The following TYW5 variants were observed in gnomAD, a reference collection of about 807,000 sequenced individuals.
TYW5 encodes tRNA wybutosine-synthesizing protein 5.
Under a neutral mutation model 44.4 loss-of-function variants are expected in TYW5, and 36 were observed. The ratio of observed to expected loss-of-function variants is 0.81; its 90% CI spans 0.62 to 1.07. The LOEUF is 1.07. Ranked by LOEUF, TYW5 falls within the 50% of genes least tolerant of loss-of-function variation. The pLI is 0.00. For missense variants in TYW5, 354 were observed against 365.7 expected, an observed-to-expected ratio of 0.97 and a Z score of 0.26; for synonymous variants, 121 against 128.1, an observed-to-expected ratio of 0.94 and a Z score of 0.37.
chr2:199,929,939 T>C lies in TYW5; in HGVS notation c.*3128A>G, dbSNP rs1286156131. 1 of 152,326 alleles carries C rather than the reference T, an allele frequency of 6.6e-6. No individual in the cohort carries two copies. The highest frequency in any genetic ancestry group is 1.5e-5 in the Non-Finnish European group (1 of 68,846). 9.4% of individuals were successfully genotyped at this position (152,326 alleles called of 1,614,324 possible). ...TCCCAAGATGCTGGGACTACAGGTG[T>C]GGACCACCACTCCCCAGCTCTGCAT... On this transcript the variant is annotated 3_prime_UTR_variant, in exon 8 of 8. Coordinates refer to ENST00000354611, the MANE Select transcript of TYW5 (RefSeq NM_001039693.3).
chr2:199,938,733 G>C (rs2077440988), intron 5 of TYW5, among the ~76,000 whole-genome samples, 200 bp downstream of exon 5: 1 of 152,204 alleles, frequency 6.6e-6, no homozygotes, highest in East Asian at 1.9e-4. Flanking sequence ...ATACAAATGT[G>C]AGGAACCAAC....
intron 7 of TYW5, among the ~76,000 whole-genome samples, 183 bp from the exon 8 acceptor site, chr2:199,933,506 A>C (rs1362899525): frequency 6.6e-6 from 1 of 152,238 alleles, no homozygotes; most frequent in Non-Finnish European, 1.5e-5. Flanking sequence ...AATTGCCAAC[A>C]AATTTAAAGT....
chr2:199,953,132 G>A (rs543522374), intron 1 of TYW5, among the ~76,000 whole-genome samples: 83 of 152,246 alleles, frequency 5.5e-4, no homozygotes, highest in Non-Finnish European at 9.3e-4. Context: ...GACCAGCCTG[G>A]CCAACATGGC....
At position 199,933,170 on chromosome 2, in the gene TYW5, G is replaced by A. The variant is rs747502194; in HGVS notation, c.845C>T (p.Ala282Val). The A allele has an allele frequency of 1.5e-5, 24 of 1,614,050 alleles. No homozygotes were observed. The highest frequency in any genetic ancestry group is 1.9e-5 in the Non-Finnish European group (23 of 1,180,010). Reference protein sequence around the residue: ...ASRAAQILDRALKTLAELPEE... With the variant: ...ASRAAQILDRVLKTLAELPEE... ...TGGTAACTCGGCCAGTGTTTTCAAG[G>A]CTCTGTCCAGAATTTGTGCAGCTCT... The change falls in exon 8 of 8, where the codon GCC becomes GTC. Residue 282 changes from alanine (A) to valine (V), a missense_variant. Coordinates refer to ENST00000354611, the MANE Select transcript of TYW5 (RefSeq NM_001039693.3).
At chr2:199,950,080 T>G (rs915489873) in intron 1 of TYW5, among the ~76,000 whole-genome samples, 12 of 152,144 alleles carry the variant, frequency 7.9e-5, no homozygotes, top group Non-Finnish European at 1.6e-4. Context: ...TTCTTCTCAG[T>G]GGACACAGTT....
At chr2:199,954,961 TAA>T (rs1407408805) in intron 1 of TYW5, among the ~76,000 whole-genome samples, 2 of 152,202 alleles carry the variant, frequency 1.3e-5, no homozygotes, top group South Asian at 2.1e-4. Context: ...ACTACAGGTA[TAA>T]AAGACTCCAA....
Position 199,929,387 on chromosome 2 carries a change from A to G in TYW5, c.*3680T>C, listed in dbSNP as rs1371298564. Among the ~76,000 whole-genome samples, 1 of 151,992 alleles carries G rather than the reference A, an allele frequency of 6.6e-6. No individual in the cohort carries two copies. The highest frequency in any genetic ancestry group is 1.5e-5 in the Non-Finnish European group (1 of 68,004). ...TTAGGTATATTTAAGACACCCAAAAACTTGTGGCTTGTATGCTTGAAACAA... is the reference window on the plus strand; with the variant it reads ...TTAGGTATATTTAAGACACCCAAAAGCTTGTGGCTTGTATGCTTGAAACAA... On this transcript the variant is annotated 3_prime_UTR_variant, in exon 8 of 8. Coordinates refer to ENST00000354611, the MANE Select transcript of TYW5 (RefSeq NM_001039693.3).
chr2:199,954,879 A>C (rs994536331), intron 1 of TYW5, among the ~76,000 whole-genome samples: 10 of 152,208 alleles, frequency 6.6e-5, no homozygotes, highest in Non-Finnish European at 1.3e-4. Flanking sequence ...CTTGAAAAGC[A>C]CTGCAAGTAA....
At chr2:199,941,229 A>C (rs2105699753) in intron 3 of TYW5, among the ~76,000 whole-genome samples, 1 of 152,170 alleles carries the variant, frequency 6.6e-6, no homozygotes, top group East Asian at 1.9e-4. Context: ...TTTGTAGAGA[A>C]GGAGACTCGC....
intron 1 of TYW5, among the ~76,000 whole-genome samples, chr2:199,954,182 C>A (rs1015085098): frequency 7.2e-5 from 11 of 152,198 alleles, no homozygotes; most frequent in African/African-American, 2.2e-4. Context: ...ATCACTGCAG[C>A]CTCGACCTCC....
intron 2 of TYW5, chr2:199,947,587 T>C (rs559720005): frequency 4.6e-5 from 7 of 152,200 alleles, no homozygotes; most frequent in Non-Finnish European, 8.8e-5. Context: ...AAACATAGCT[T>C]GTCCTGGTTT....
chr2:199,937,492 A>G (rs2077429506), intron 5 of TYW5, among the ~76,000 whole-genome samples: 1 of 151,708 alleles, frequency 6.6e-6, no homozygotes, highest in Non-Finnish European at 1.5e-5. Flanking sequence ...GCAAAACCCC[A>G]TGTATACTAA....
rs989345350 is a variant in TYW5, at chr2:199,929,337, T to TA, written c.*3729dup. ...TGTACCCTAGAACTTAAAAGTATAA[T>TA]AAAAAAATAAATAGAGACTACAACT... On this transcript the variant is annotated 3_prime_UTR_variant, in exon 8 of 8. Coordinates refer to ENST00000354611, the MANE Select transcript of TYW5 (RefSeq NM_001039693.3). Among the ~76,000 whole-genome samples the TA allele has an allele frequency of 6.6e-6, 1 of 151,832 alleles. No individual in the cohort carries two copies. Among genetic ancestry groups the TA allele is most frequent in the African/African-American group, 2.4e-5 (1 of 41,364 alleles).
intron 2 of TYW5, chr2:199,946,680 T>C (rs2077506507): frequency 6.6e-6 from 1 of 152,148 alleles, no homozygotes. Context: ...ATAATATACA[T>C]GTGTGTGCAG....
intron 2 of TYW5, 97 bp downstream of exon 2, chr2:199,948,221 T>G: frequency 1.4e-5 from 18 of 1,268,852 alleles, no homozygotes; most frequent in Non-Finnish European, 1.7e-5. Flanking sequence ...AGCCAAAAGA[T>G]GAAATGCCAT....
At chr2:199,939,192 ATC>A (rs751643465) in intron 4 of TYW5, 122 bp from the exon 5 acceptor site, 237 of 820,564 alleles carry the variant, frequency 2.9e-4, no homozygotes, top group South Asian at 4.6e-4. Flanking sequence ...CCAATACATG[ATC>A]TCTCTCTCTC....
chr2:199,928,946 T>C lies in TYW5; in HGVS notation c.*4121A>G, dbSNP rs948825434. On this transcript the variant is annotated 3_prime_UTR_variant, in exon 8 of 8. Transcript: ENST00000354611. ...GAAATGTTTAATACATTAAATCTTA[T>C]GAGGTAAAATACAAAAGGTAGTATT... 1.3e-5 allele frequency among the ~76,000 whole-genome samples: 2 copies of C among 152,186 alleles called. No individual in the cohort carries two copies. Among genetic ancestry groups the C allele is most frequent in the South Asian group, 2.1e-4 (1 of 4,830 alleles).
intron 3 of TYW5, 114 bp downstream of exon 3, chr2:199,943,651 C>A: frequency 1.2e-6 from 1 of 816,480 alleles, no homozygotes. Context: ...CCAAATCTTA[C>A]GAATGTCTAT....
At position 199,943,602 on chromosome 2, in the gene TYW5, G is replaced by A. The variant is rs116518420; in HGVS notation, c.303+163C>T. On this transcript the variant is annotated intron_variant, in intron 3 of 7. Coordinates refer to ENST00000354611, the MANE Select transcript of TYW5 (RefSeq NM_001039693.3). ...AAAATAATTTGGCCAAAGTTTGAGA[G>A]CTAATAAATAGCAGAGCTACAGTCT... 1,320 of 568,288 alleles carry A rather than the reference G, an allele frequency of 2.3e-3. 14 individuals carry two copies. Among genetic ancestry groups the A allele is most frequent in the African/African-American group, 0.023 (1,189 of 52,186 alleles). The allele number at this position is 568,288 out of a possible 1,614,324, so 35.2% of individuals were successfully genotyped here.
Sources: allele counts gnomAD v4.1 joint callset (sites outside exome capture counted in the v4.1 genomes callset), GRCh38; gene constraint gnomAD v4.1.1; transcripts MANE v1.5; gene names NCBI Gene and HGNC (gene_info 2026-07-23, HGNC 2026-07-21).